Variants in TMC6 observed in about 807,000 individuals in gnomAD.
TMC6 encodes transmembrane channel-like protein 6.
TMC6 carries 71 observed loss-of-function variants against 95.4 expected under a neutral mutation model. The ratio of observed to expected loss-of-function variants is 0.74; its 90% CI spans 0.61 to 0.91. TMC6 has a LOEUF of 0.91. Among genes scored for constraint, TMC6 ranks in the 40% least tolerant of loss-of-function variants. TMC6 has a pLI of 0.00. For missense variants in TMC6, 1,074 were observed against 1,079.1 expected, an observed-to-expected ratio of 1.00 and a Z score of 0.07; for synonymous variants, 514 against 483.1, an observed-to-expected ratio of 1.06 and a Z score of -0.84.
At chr17:78,115,122 C>G (rs7218589) in intron 18 of TMC6, among the ~76,000 whole-genome samples, 18,264 of 152,248 alleles carry the variant, frequency 0.12, 1,591 homozygotes, top group African/African-American at 0.25. Flanking sequence ...GGAGATGGGA[C>G]AGTGTGTACT....
At chr17:78,119,086 C>T (rs925331892) in intron 14 of TMC6, 40 bp from the exon 15 acceptor site, 14 of 1,549,558 alleles carry the variant, frequency 9.0e-6, no homozygotes, top group Admixed American at 1.9e-5. Context: ...CTCCAGTGCC[C>T]TCCCCTCCCC....
Position 78,113,559 on chromosome 17 carries a change from C to T in TMC6, c.2343G>A (p.Glu781=). Residue 781 remains glutamate, a synonymous_variant, in exon 19 of 20, where the codon GAG becomes GAA. Coordinates refer to ENST00000590602, the MANE Select transcript of TMC6 (RefSeq NM_001127198.5). Reference sequence around the variant, plus strand: ...CCACGGACCCTCACCTGCTCCTCTCCTCCCTCTCCTTCCTCTCGTAGATGG... The same window carrying T: ...CCACGGACCCTCACCTGCTCCTCTCTTCCCTCTCCTTCCTCTCGTAGATGG... ...LHSIYERKER[E]ERSRVGTTEE... is the part of the protein sequence containing the mutation. 3 of 1,614,052 alleles carry T rather than the reference C, an allele frequency of 1.9e-6. No homozygotes were observed. Among genetic ancestry groups the T allele is most frequent in the Non-Finnish European group, 2.5e-6 (3 of 1,180,020 alleles).
upstream of TMC6, among the ~76,000 whole-genome samples, chr17:78,129,179 C>G (rs1251258643): frequency 2.0e-5 from 3 of 151,886 alleles, no homozygotes; most frequent in East Asian, 5.8e-4. The surrounding 1 kb of genome is among the most constrained non-coding windows in gnomAD (Gnocchi z 4.3). Context: ...CGGGGGGAGC[C>G]TGGTTATCTC....
rs762359161 is a variant in TMC6, at chr17:78,117,359, G to A, written c.2199-12C>T. ...GGTAGATCACGGCCCTGCGGGAGAG[G>A]GGCTGTCGGGCAGGGCCCAGGGCCA... On this transcript the variant is annotated splice_polypyrimidine_tract_variant and intron_variant, in intron 17 of 19. Coordinates refer to ENST00000590602, the MANE Select transcript of TMC6 (RefSeq NM_001127198.5). 1 of 1,613,084 alleles carries A rather than the reference G, an allele frequency of 6.2e-7. No homozygotes were observed. The highest frequency in any genetic ancestry group is 8.5e-7 in the Non-Finnish European group (1 of 1,179,914).
At chr17:78,115,622 A>G (rs965631509) in intron 18 of TMC6, among the ~76,000 whole-genome samples, 5 of 146,640 alleles carry the variant, frequency 3.4e-5, no homozygotes, top group Admixed American at 6.8e-5. Flanking sequence ...GAGAGGAGCG[A>G]AGGGAGTGGG....
At chr17:78,116,261 G>A (rs990022774) in intron 18 of TMC6, among the ~76,000 whole-genome samples, 30 of 145,998 alleles carry the variant, frequency 2.1e-4, no homozygotes, top group Non-Finnish European at 4.3e-4. Context: ...AGAGGCCTGA[G>A]CCCCCATGCC....
In TMC6 at chr17:78,124,698, G is replaced by GC; in HGVS notation, c.716dup (p.Gln240ProfsTer73). ...AGGAGAGCACGCTGGAGCCGAACTG[G>GC]CCCCCGATGCGCTTCAGGGCGTAGC... On this transcript the variant is annotated frameshift_variant, in exon 8 of 20. Coordinates refer to ENST00000590602, the MANE Select transcript of TMC6 (RefSeq NM_001127198.5). LOFTEE classifies it high-confidence loss of function. 2 of 1,600,362 alleles carry GC rather than the reference G, an allele frequency of 1.2e-6. No homozygotes were observed. The highest frequency in any genetic ancestry group is 8.5e-7 in the Non-Finnish European group (1 of 1,173,890).
chr17:78,129,168 G>A (rs1472039502), upstream of TMC6, among the ~76,000 whole-genome samples: 1 of 151,374 alleles, frequency 6.6e-6, no homozygotes, highest in Non-Finnish European at 1.5e-5. This position sits in a 1 kb window ranked among gnomAD's most constrained non-coding sequence, Gnocchi z 4.3. Flanking sequence ...CCCGACCCCG[G>A]CGGGGGGAGC....
chr17:78,118,248 A>C, intron 15 of TMC6: 10 of 453,592 alleles, frequency 2.2e-5, no homozygotes, highest in East Asian at 1.3e-4. Flanking sequence ...GAGGAAACAA[A>C]AGGCCAGACG....
At chr17:78,126,989 G>A (rs925540042) in intron 1 of TMC6, 83 bp from the exon 2 acceptor site, 4 of 858,818 alleles carry the variant, frequency 4.7e-6, no homozygotes, top group South Asian at 1.4e-5. Context: ...GGGAACCACA[G>A]GAGGTGCCAC....
chr17:78,129,533 G>C (rs2074904928), upstream of TMC6, among the ~76,000 whole-genome samples: 1 of 152,162 alleles, frequency 6.6e-6, no homozygotes, highest in Admixed American at 6.5e-5. This position sits in a 1 kb window ranked among gnomAD's most constrained non-coding sequence, Gnocchi z 4.3. Flanking sequence ...CATTTGGAAG[G>C]GAGGGTCATT....
At chr17:78,128,763 C>T (rs2074872563), upstream of TMC6, 1 of 90,902 alleles carries the variant, frequency 1.1e-5, no homozygotes, top group South Asian at 4.4e-4. This position sits in a 1 kb window ranked among gnomAD's most constrained non-coding sequence, Gnocchi z 4.0. Context: ...TCTGCCGGGG[C>T]CGGGGGAGTA....
chr17:78,116,343 CAT>C (rs990620455), intron 18 of TMC6, among the ~76,000 whole-genome samples: 2 of 149,074 alleles, frequency 1.3e-5, no homozygotes, highest in Admixed American at 1.3e-4. Flanking sequence ...GTGGCACAAT[CAT>C]AGCTCACTGC....
In TMC6 at chr17:78,109,659, C is replaced by A; in HGVS notation, c.*3489G>T. ...AGCAGAAGCACATTTCCGAAGCCCC[C>A]CAAGCCCACGGGCGTGAGTGCATGC... On this transcript the variant is annotated 3_prime_UTR_variant, in exon 20 of 20. Coordinates refer to ENST00000590602, the MANE Select transcript of TMC6 (RefSeq NM_001127198.5). 2.3e-6 allele frequency: 1 copy of A among 426,750 alleles called. No individual in the cohort carries two copies. The highest frequency in any genetic ancestry group is 4.7e-6 in the Non-Finnish European group (1 of 211,158). 26.4% of individuals were successfully genotyped at this position (426,750 alleles called of 1,614,324 possible). A position where few individuals can be genotyped will look rare whatever the true frequency, so the allele number is the denominator to read the frequency against.
In TMC6 at chr17:78,111,744, T is replaced by C; in HGVS notation, c.*1404A>G. On this transcript the variant is annotated 3_prime_UTR_variant, in exon 20 of 20. Transcript: ENST00000590602. ...GGGTCTGCTAGCAGCCAGTGGCATC[T>C]CCATCTGGGTCTGACCCTTTTCTGG... The C allele has an allele frequency of 5.7e-6, 1 of 174,862 alleles. No individual in the cohort carries two copies. The highest frequency in any genetic ancestry group is 1.0e-4 in the South Asian group (1 of 9,934). 10.8% of individuals were successfully genotyped at this position (174,862 alleles called of 1,614,324 possible).
At position 78,124,947 on chromosome 17, in the gene TMC6, T is replaced by C. The variant is rs1262110791; in HGVS notation, c.575A>G (p.Gln192Arg). 1 of 1,600,646 alleles carries C rather than the reference T, an allele frequency of 6.2e-7. No homozygotes were observed. Among genetic ancestry groups the C allele is most frequent in the African/African-American group, 1.3e-5 (1 of 74,922 alleles). The change falls in exon 7 of 20, where the codon CAG becomes CGG. Residue 192 changes from glutamine to arginine, a missense_variant. Gln to Arg is a conservative substitution (Grantham distance 43, BLOSUM62 1). Transcript: ENST00000590602. ...GGAGCAGACCCCGCCGCTGCCCGGC[T>C]GGCCCCTCCACTTCCCCCTCGGGGT... is the stretch of plus-strand genomic sequence containing the variant. ...SRTPRGKWRG[Q>R]PGSGGVCSCC...
intron 9 of TMC6, among the ~76,000 whole-genome samples, chr17:78,123,637 G>T (rs1332557074): frequency 4.5e-5 from 4 of 89,094 alleles, no homozygotes; most frequent in Non-Finnish European, 8.9e-5. Flanking sequence ...GGATGGGTGG[G>T]TGAACTGATT....
chr17:78,113,043 G>A lies in TMC6; in HGVS notation c.*105C>T, dbSNP rs2144831647. Reference sequence around the variant, plus strand: ...GCCTAGGCGCAGCTGCGGCTTTCGAGAGGCGAAACTGTCTTCCTTGTCCTG... The same window carrying A: ...GCCTAGGCGCAGCTGCGGCTTTCGAAAGGCGAAACTGTCTTCCTTGTCCTG... On this transcript the variant is annotated 3_prime_UTR_variant, in exon 20 of 20. Coordinates refer to ENST00000590602, the MANE Select transcript of TMC6 (RefSeq NM_001127198.5). 7.2e-7 allele frequency: 1 copy of A among 1,386,538 alleles called. No individual in the cohort carries two copies. Among genetic ancestry groups the A allele is most frequent in the Non-Finnish European group, 1.0e-6 (1 of 1,002,318 alleles). 85.9% of individuals were successfully genotyped at this position (1,386,538 alleles called of 1,614,324 possible).
intron 4 of TMC6, 45 bp downstream of exon 4, chr17:78,126,232 C>A: frequency 6.5e-7 from 1 of 1,538,202 alleles, no homozygotes; most frequent in African/African-American, 1.4e-5. Context: ...GGACTGGGGT[C>A]AACTCGGGGC....
Sources: gnomAD v4.1 joint callset for allele counts (sites outside exome capture counted in the v4.1 genomes callset) on GRCh38, gnomAD v4.1.1 for gene constraint, Gnocchi (gnomAD v3.1) non-coding constraint, MANE v1.5 for transcripts, NCBI Gene and HGNC (gene_info 2026-07-23, HGNC 2026-07-21) for gene names.